WDR20: variants seen among roughly 807,000 people sequenced by gnomAD.
WDR20 encodes the protein WD repeat-containing protein 20.
WDR20 carries 3 observed loss-of-function variants against 38.7 expected under a neutral mutation model. That is an observed-to-expected ratio of 0.08 (90% CI 0.04 to 0.20). The LOEUF (loss-of-function observed/expected upper bound fraction) is 0.20, where lower values mean the gene tolerates loss of function less well. Among genes scored for constraint, WDR20 ranks in the 10% least tolerant of loss-of-function variants. The pLI is 1.00. For missense variants in WDR20, 559 were observed against 727.7 expected (o/e 0.77, Z 2.67); for synonymous variants, 298 against 285.6 (o/e 1.04, Z -0.44).
intron 2 of WDR20, among the ~76,000 whole-genome samples, chr14:102,203,611 C>G (rs571840033): frequency 2.6e-5 from 4 of 152,296 alleles, no homozygotes; most frequent in Admixed American, 1.3e-4. Flanking sequence ...TCCCCACCCC[C>G]CTGGCCTGCT....
At chr14:102,145,444 A>G (rs560375172) in intron 1 of WDR20, among the ~76,000 whole-genome samples, 3 of 152,326 alleles carry the variant, frequency 2.0e-5, no homozygotes, top group African/African-American at 7.2e-5. Context: ...CACCTACAAG[A>G]TCCATGTACA....
At chr14:102,212,191 A>G (rs919811994), downstream of WDR20, among the ~76,000 whole-genome samples, 2 of 151,990 alleles carry the variant, frequency 1.3e-5, no homozygotes, top group Admixed American at 6.5e-5. Context: ...TTCTCCCCCC[A>G]CCTCCAGTTT....
At position 102,188,872 on chromosome 14, in the gene WDR20, CAAAAAAA is replaced by C. The variant is rs34508888; in HGVS notation, c.250-6049_250-6043del. ...TGGGCAGCAGAGCGAGACCCTGTTT[CAAAAAAA>C]AAAAAAAAAAAAAAAATTCCAGAGA... On this transcript the variant is annotated intron_variant, in intron 1 of 2. Coordinates refer to ENST00000342702, the MANE Select transcript of WDR20 (RefSeq NM_144574.4). Among the ~76,000 whole-genome samples, 35 of 97,550 alleles carry C rather than the reference CAAAAAAA, an allele frequency of 3.6e-4. 1 individual carries two copies. The highest frequency in any genetic ancestry group is 1.1e-3 in the East Asian group (3 of 2,614). The allele number at this position is 97,550 out of a possible 152,430, so 64.0% of individuals were successfully genotyped here.
intron 1 of WDR20, among the ~76,000 whole-genome samples, chr14:102,169,508 G>A (rs1449726862): frequency 1.3e-5 from 2 of 152,074 alleles, no homozygotes; most frequent in Non-Finnish European, 1.5e-5. Context: ...ATAAATATTG[G>A]ATGAATGGAT....
At chr14:102,214,437 A>G, downstream of WDR20, 2 of 985,486 alleles carry the variant, frequency 2.0e-6, no homozygotes, top group Non-Finnish European at 2.4e-6. Context: ...TTTGAAACTC[A>G]GATCCTAGTT....
At chr14:102,141,558 CCTA>C (rs2051184734) in intron 1 of WDR20, among the ~76,000 whole-genome samples, 1 of 152,090 alleles carries the variant, frequency 6.6e-6, no homozygotes, top group Non-Finnish European at 1.5e-5. Context: ...AAGTTTTACT[CCTA>C]CTCCCAACTT....
intron 1 of WDR20, among the ~76,000 whole-genome samples, chr14:102,187,843 T>C (rs555470219): frequency 6.6e-6 from 1 of 152,194 alleles, no homozygotes; most frequent in South Asian, 2.1e-4. Context: ...AGTATAAAGC[T>C]GGTTGGGGTG....
At position 102,208,961 on chromosome 14, in the gene WDR20, G is replaced by T. The variant is rs375884503; in HGVS notation, c.791G>T (p.Gly264Val). Reference protein sequence around the residue: ...LHGTMKSYFGGLLCVCWSPDG... With the variant: ...LHGTMKSYFGVLLCVCWSPDG... The stretch of plus-strand genomic sequence containing the variant: ...GGTACGATGAAAAGCTACTTTGGGG[G>T]CTTGCTGTGTGTGTGCTGGAGCCCG... Residue 264 changes from glycine (G) to valine (V), a missense_variant, in exon 3 of 3, where the codon GGC (glycine) becomes GTC (valine). Coordinates refer to ENST00000342702, the MANE Select transcript of WDR20 (RefSeq NM_144574.4). This position sits in a 1 kb window ranked among gnomAD's most constrained non-coding sequence, Gnocchi z 5.6. 1 of 1,614,190 alleles carries T rather than the reference G, an allele frequency of 6.2e-7. No homozygotes were observed. Among genetic ancestry groups the T allele is most frequent in the Non-Finnish European group, 8.5e-7 (1 of 1,180,038 alleles).
chr14:102,156,556 A>AT (rs937733336), intron 1 of WDR20, among the ~76,000 whole-genome samples: 63 of 146,352 alleles, frequency 4.3e-4, no homozygotes, highest in East Asian at 1.2e-3. Context: ...TTAATGTAGA[A>AT]TTTTTTTTTT....
chr14:102,207,722 C>T lies in WDR20; in HGVS notation c.433-881C>T, dbSNP rs1428423044. Among the ~76,000 whole-genome samples, 1 of 152,208 alleles carries T rather than the reference C, an allele frequency of 6.6e-6. No individual in the cohort carries two copies. Among genetic ancestry groups the T allele is most frequent in the African/African-American group, 2.4e-5 (1 of 41,458 alleles). On this transcript the variant is annotated intron_variant, in intron 2 of 2. Coordinates refer to ENST00000342702, the MANE Select transcript of WDR20 (RefSeq NM_144574.4). The surrounding 1 kb of genome is among the most constrained non-coding windows in gnomAD (Gnocchi z 5.0). ...GTGGAAGGTGTTGCGCTGGCATCCC[C>T]ATCACAGGATTGATTGGCAAGCAGG...
intron 1 of WDR20, among the ~76,000 whole-genome samples, chr14:102,173,550 C>T (rs1161240280): frequency 6.7e-5 from 10 of 150,202 alleles, no homozygotes; most frequent in Non-Finnish European, 4.4e-5. Context: ...TGGTGATTTC[C>T]TAGATTTTGG....
chr14:102,222,641 A>G lies in WDR20; in HGVS notation c.1693-189A>G, dbSNP rs774349871. Among the ~76,000 whole-genome samples the G allele has an allele frequency of 5.3e-5, 8 of 152,192 alleles. No individual in the cohort carries two copies. The highest frequency in any genetic ancestry group is 1.4e-4 in the African/African-American group (6 of 41,440). Reference sequence around the variant, plus strand: ...CAGTATTGCACCCAGCAGGGTTCCAATTCTCTAGGAATGGAACGCAGTGAT... The same window carrying G: ...CAGTATTGCACCCAGCAGGGTTCCAGTTCTCTAGGAATGGAACGCAGTGAT... On this transcript the variant is annotated intron_variant, in intron 3 of 3. Transcript: ENST00000335263. The surrounding 1 kb of genome is among the most constrained non-coding windows in gnomAD (Gnocchi z 4.4).
At chr14:102,186,180 A>G (rs1312325703) in intron 1 of WDR20, among the ~76,000 whole-genome samples, 1 of 152,250 alleles carries the variant, frequency 6.6e-6, no homozygotes, top group Non-Finnish European at 1.5e-5. Context: ...CTGTTCAGAT[A>G]CGTTGGCTGT....
At chr14:102,201,881 C>A (rs1241502489) in intron 2 of WDR20, among the ~76,000 whole-genome samples, 4 of 152,220 alleles carry the variant, frequency 2.6e-5, no homozygotes, top group Non-Finnish European at 5.9e-5. Context: ...TGCCTTCCCT[C>A]CGCCTCCTCG....
At chr14:102,223,031 T>TCTGCGGCGCCGTGCTCCCGCTGCTCACC in exon 4 of WDR20, 1 of 873,356 alleles carries the variant, frequency 1.1e-6, no homozygotes, top group East Asian at 2.7e-5. Context: ...ACCGGCTCAC[T>TCTGCGGCGCCGTGCTCCCGCTGCTCACC]CTGCGGCGCC....
chr14:102,154,840 T>G (rs897120945), intron 1 of WDR20, among the ~76,000 whole-genome samples: 1 of 152,230 alleles, frequency 6.6e-6, no homozygotes, highest in Admixed American at 6.5e-5. Flanking sequence ...GCACTTTAGT[T>G]GAGCTTTATG....
In WDR20 at chr14:102,209,659, C is replaced by T. The variant is rs2153022330; in HGVS notation, c.1489C>T (p.Leu497=). The change falls in exon 3 of 3, where the codon CTA becomes TTA. Residue 497 remains leucine, a synonymous_variant. Transcript: ENST00000342702. The surrounding 1 kb of genome is among the most constrained non-coding windows in gnomAD (Gnocchi z 6.0). ...ISSKSSDKLN[L]VTKTKTDPAK... is the part of the protein sequence containing the mutation. ...TAGCAAGAGCAGTGACAAACTGAAT[C>T]TAGTTACCAAAACCAAAACGGACCC... 1.9e-6 allele frequency: 3 copies of T among 1,614,172 alleles called. No homozygotes were observed. In the East Asian group the frequency reaches 6.7e-5, roughly 36 times the overall value.
In WDR20 at chr14:102,209,187, T is replaced by C. The variant is rs758026704; in HGVS notation, c.1017T>C (p.His339=). Residue 339 remains histidine (H), a synonymous_variant, in exon 3 of 3, where the codon CAT becomes CAC. Coordinates refer to ENST00000342702, the MANE Select transcript of WDR20 (RefSeq NM_144574.4). This position sits in a 1 kb window ranked among gnomAD's most constrained non-coding sequence, Gnocchi z 6.0. ...ATGAGGACTTCCAAGACCTTCTTCA[T>C]TTTGGCAGAGATCGAGCAAATAGTA... is the stretch of plus-strand genomic sequence containing the variant. The part of the protein sequence containing the change: ...GSDEDFQDLL[H]FGRDRANSTQ... 6.2e-7 allele frequency: 1 copy of C among 1,614,036 alleles called. No individual in the cohort carries two copies. The highest frequency in any genetic ancestry group is 8.5e-7 in the Non-Finnish European group (1 of 1,180,040).
chr14:102,140,254 A>G, intron 1 of WDR20, 82 bp downstream of exon 1: 2 of 1,568,756 alleles, frequency 1.3e-6, no homozygotes, highest in Non-Finnish European at 1.7e-6. Context: ...GGCCAGGGTG[A>G]CCGAGAGGGG....
Sources: gnomAD v4.1 joint callset for allele counts (sites outside exome capture counted in the v4.1 genomes callset) on GRCh38, gnomAD v4.1.1 for gene constraint, Gnocchi (gnomAD v3.1) non-coding constraint, MANE v1.5 for transcripts, NCBI Gene and HGNC (gene_info 2026-07-23, HGNC 2026-07-21) for gene names.